The following HEXB variants were observed in gnomAD, a reference collection of about 807,000 sequenced individuals.
HEXB encodes the protein hexosaminidase subunit beta.
A neutral mutation model predicts 71.2 loss-of-function variants in HEXB; 51 were observed. The ratio of observed to expected loss-of-function variants is 0.72; its 90% confidence interval spans 0.57 to 0.90. The LOEUF is 0.90. Among genes scored for constraint, HEXB ranks in the 40% least tolerant of loss-of-function variants. HEXB has a pLI of 0.00. For missense variants in HEXB, 617 were observed against 677.0 expected, an observed-to-expected ratio of 0.91 and a Z score of 0.98; for synonymous variants, 266 against 249.3, an observed-to-expected ratio of 1.07 and a Z score of -0.63.
At chr5:74,674,663 TTATCTCTAGTCATTA>T (rs916747402) in intron 1 of HEXB, among the ~76,000 whole-genome samples, 16 of 152,012 alleles carry the variant, frequency 1.1e-4, no homozygotes, top group African/African-American at 3.4e-4. Context: ...TGCCATTTAT[TTATCTCTAGTCATTA>T]TACAGAATGA....
chr5:74,684,636 T>C (rs1350429948), upstream of HEXB, among the ~76,000 whole-genome samples: 1 of 151,560 alleles, frequency 6.6e-6, no homozygotes, highest in African/African-American at 2.4e-5. Context: ...CGGCCTGGCG[T>C]CCCGAGCCTG....
In HEXB at chr5:74,718,975, A is replaced by C; in HGVS notation, c.1417+4A>C. The C allele has an allele frequency of 6.2e-7, 1 of 1,614,002 alleles. No homozygotes were observed. The highest frequency in any genetic ancestry group is 8.5e-7 in the Non-Finnish European group (1 of 1,179,890). ...GTGGAACCTCTTGATTTTGGCGGTA[A>C]GTGAAGCAGTTGGTCCAAGTGTTGT... On this transcript the variant is annotated splice_donor_region_variant and intron_variant, in intron 11 of 13. Coordinates refer to ENST00000261416, the MANE Select transcript of HEXB (RefSeq NM_000521.4).
intron 7 of HEXB, among the ~76,000 whole-genome samples, chr5:74,715,274 TACTA>T (rs935708641): frequency 1.6e-4 from 24 of 152,162 alleles, no homozygotes; most frequent in Admixed American, 1.4e-3. Flanking sequence ...ATTTGGGAGT[TACTA>T]ACATTTGACA....
rs1016425766 is a variant in HEXB, at chr5:74,720,525, G to A, written c.1508+7G>A. 7 of 1,603,002 alleles carry A rather than the reference G, an allele frequency of 4.4e-6. No homozygotes were observed. The African/African-American group carries it at 8.0e-5, about 18-fold the overall frequency. On this transcript the variant is annotated splice_region_variant and intron_variant, in intron 12 of 13. Transcript: ENST00000261416. ...ACCTCACTCCAAGATTATGGTATGG[G>A]ATTTACCTGATAACATTTAAGAATT...
chr5:74,697,056 A>G lies in HEXB; in HGVS notation c.619A>G (p.Ile207Val), dbSNP rs10805890. The G allele has an allele frequency of 0.15, 241,798 of 1,569,914 alleles. 20,251 individuals are homozygous for G. The highest frequency in any genetic ancestry group is 0.24 in the East Asian group (10,499 of 44,592). ...AAGGTTTTCTCACAGAGGAATTTTG[A>G]TTGATACATCCAGACATTATCTGCC... ...SPRFSHRGILIDTSRHYLPVK... is the reference protein window; with the variant it reads ...SPRFSHRGILVDTSRHYLPVK... The change falls in exon 5 of 14, where the codon ATT becomes GTT. Residue 207 changes from isoleucine (I) to valine (V), a missense_variant. Physicochemically the swap from Ile to Val is conservative, Grantham distance 29. Coordinates refer to ENST00000261416, the MANE Select transcript of HEXB (RefSeq NM_000521.4).
chr5:74,707,922 T>A (rs1749443091), intron 6 of HEXB, among the ~76,000 whole-genome samples: 2 of 152,146 alleles, frequency 1.3e-5, no homozygotes, highest in Non-Finnish European at 2.9e-5. Context: ...AACATTCAGA[T>A]GCAGGAAATA....
intron 1 of HEXB, among the ~76,000 whole-genome samples, chr5:74,671,909 T>C (rs1399747076): frequency 6.6e-6 from 1 of 152,158 alleles, no homozygotes; most frequent in Non-Finnish European, 1.5e-5. Context: ...CCTTGGTGAA[T>C]GCTAGGAAAG....
rs60295789 is a variant in HEXB at position 74,702,067 on chromosome 5, C to CTT, written c.670-3124_670-3123dup. Among the ~76,000 whole-genome samples, 339 of 60,586 alleles carry CTT rather than the reference C, an allele frequency of 5.6e-3. 51 individuals are homozygous for CTT. The highest frequency in any genetic ancestry group is 7.4e-3 in the Non-Finnish European group (259 of 35,048). 39.7% of individuals were successfully genotyped at this position (60,586 alleles called of 152,430 possible). A position where few individuals can be genotyped will look rare whatever the true frequency, so the allele number is the denominator to read the frequency against. On this transcript the variant is annotated intron_variant, in intron 5 of 13. Coordinates refer to ENST00000261416, the MANE Select transcript of HEXB (RefSeq NM_000521.4). ...TCTGCAACTGACTATCTTTCCTTGT[C>CTT]TTTTTTTTTTTTTTTTTTTTTTTTT...
chr5:74,645,949 C>A (rs1027288738), intron 1 of HEXB, among the ~76,000 whole-genome samples: 1 of 71,114 alleles, frequency 1.4e-5, no homozygotes, highest in South Asian at 3.3e-4. Context: ...CCTATGTCTG[C>A]ATACTATTTT....
rs1748129772 is a variant in HEXB at position 74,652,366 on chromosome 5, C to G, written c.-377+11808C>G. Among the ~76,000 whole-genome samples the G allele has an allele frequency of 6.6e-6, 1 of 152,216 alleles. No individual in the cohort carries two copies. The highest frequency in any genetic ancestry group is 1.5e-5 in the Non-Finnish European group (1 of 68,042). ...TGTGCTCTCCTAGTGTGTGGGCCTC[C>G]TGGCCCACGTGTCCAGCAAGCAAGC... On this transcript the variant is annotated intron_variant, in intron 1 of 13. Transcript: ENST00000511181. The surrounding 1 kb of genome is among the most constrained non-coding windows in gnomAD (Gnocchi z 5.4).
chr5:74,660,561 C>T (rs1223969191), intron 1 of HEXB, among the ~76,000 whole-genome samples: 2 of 152,202 alleles, frequency 1.3e-5, no homozygotes, highest in African/African-American at 2.4e-5. Flanking sequence ...CATCAAGCCA[C>T]TAAATGGAGC....
chr5:74,664,405 G>C (rs1488848404), intron 1 of HEXB, among the ~76,000 whole-genome samples: 1 of 131,224 alleles, frequency 7.6e-6, no homozygotes, highest in Non-Finnish European at 1.6e-5. Context: ...ACTCCAGCTT[G>C]GGCAATAGAG....
At chr5:74,698,621 A>G (rs1355088526) in intron 5 of HEXB, among the ~76,000 whole-genome samples, 1 of 143,936 alleles carries the variant, frequency 6.9e-6, no homozygotes, top group Non-Finnish European at 1.5e-5. Flanking sequence ...CAATCTCCTG[A>G]CCTTGTGATC....
rs1749844427 is a variant in HEXB at position 74,721,107 on chromosome 5, G to A, written c.1614-11G>A. The A allele has an allele frequency of 6.3e-7, 1 of 1,595,074 alleles. No individual in the cohort carries two copies. Among genetic ancestry groups the A allele is most frequent in the Admixed American group, 1.7e-5 (1 of 59,940 alleles). ...ATCAATCTAAAATATCTTTATTCATGTTATCTACAGACGTGGAATAGCTGC... is the reference window on the plus strand; with the variant it reads ...ATCAATCTAAAATATCTTTATTCATATTATCTACAGACGTGGAATAGCTGC... On this transcript the variant is annotated splice_polypyrimidine_tract_variant and intron_variant, in intron 13 of 13. Coordinates refer to ENST00000261416, the MANE Select transcript of HEXB (RefSeq NM_000521.4).
intron 1 of HEXB, among the ~76,000 whole-genome samples, chr5:74,660,593 C>T (rs1748300638): frequency 6.6e-6 from 1 of 152,198 alleles, no homozygotes; most frequent in Non-Finnish European, 1.5e-5. Context: ...ACTCCAGATG[C>T]TCCCAATCCC....
chr5:74,662,421 A>G (rs1748344623), intron 1 of HEXB, among the ~76,000 whole-genome samples: 1 of 152,238 alleles, frequency 6.6e-6, no homozygotes, highest in African/African-American at 2.4e-5. Context: ...TTATGCTACT[A>G]GAAAATGTAA....
rs1748403164 is a variant in HEXB, at chr5:74,664,747, CAAAT to C, written c.-377+24193_-377+24196del. ...AGAGAGGGAAAAAAATCTGGCAAAA[CAAAT>C]AAAATTTTCCAGCTCATCGTCCAAG... is the stretch of plus-strand genomic sequence containing the variant. On this transcript the variant is annotated intron_variant, in intron 1 of 13. Coordinates refer to the HEXB transcript ENST00000511181. 2.0e-5 allele frequency among the ~76,000 whole-genome samples: 3 copies of C among 152,130 alleles called. No individual in the cohort carries two copies. The South Asian group carries it at 6.2e-4, about 32-fold the overall frequency.
chr5:74,695,478 C>T (rs1749092696), intron 3 of HEXB, among the ~76,000 whole-genome samples: 2 of 150,360 alleles, frequency 1.3e-5, no homozygotes, highest in Non-Finnish European at 1.5e-5. Flanking sequence ...GCTGGGATTA[C>T]AGGCGTGAGC....
chr5:74,679,872 A>G (rs1313489169), intron 1 of HEXB, among the ~76,000 whole-genome samples: 1 of 149,124 alleles, frequency 6.7e-6, no homozygotes, highest in African/African-American at 2.4e-5. Context: ...CCAGGAAAAC[A>G]TGGTCTAAAT....
Sources: allele counts gnomAD v4.1 joint callset (sites outside exome capture counted in the v4.1 genomes callset), GRCh38; gene constraint gnomAD v4.1.1; non-coding constraint Gnocchi (gnomAD v3.1); transcripts MANE v1.5; gene names NCBI Gene and HGNC (gene_info 2026-07-23, HGNC 2026-07-21).